Variants in CSRNP3 observed in about 807,000 individuals in gnomAD.
CSRNP3 encodes the protein cysteine and serine rich nuclear protein 3.
A neutral mutation model predicts 48.0 loss-of-function variants in CSRNP3; 12 were observed. The observed-to-expected ratio is 0.25, with a 90% CI of 0.16 to 0.41. The LOEUF is 0.41. CSRNP3 is among the 10% of genes least tolerant of loss of function. CSRNP3 has a pLI of 1.00. For synonymous variants in CSRNP3, 263 were observed against 269.7 expected (o/e 0.98, Z 0.24); for missense variants, 580 against 724.4 (o/e 0.80, Z 2.29).
rs1018557134 is a variant in CSRNP3, at chr2:165,581,993, A to T, written c.-23-13050A>T. On this transcript the variant is annotated intron_variant, in intron 3 of 6. Coordinates refer to ENST00000651982, the MANE Select transcript of CSRNP3 (RefSeq NM_001172173.2). ...TGGAATACCTATTCAGTCTCCACAA[A>T]GTGTTTTATAATCAAGTTTGAGAAA... Among the ~76,000 whole-genome samples the T allele has an allele frequency of 2.0e-5, 3 of 152,190 alleles. No individual in the cohort carries two copies. In the South Asian group the frequency reaches 6.2e-4, roughly 32 times the overall value.
intron 3 of CSRNP3, among the ~76,000 whole-genome samples, chr2:165,570,280 A>G (rs530365026): frequency 2.0e-5 from 3 of 152,150 alleles, no homozygotes; most frequent in Non-Finnish European, 4.4e-5. Context: ...ATCTTTTTCA[A>G]CATGAATAAA....
At chr2:165,516,718 A>G (rs1438603269) in intron 2 of CSRNP3, among the ~76,000 whole-genome samples, 1 of 152,176 alleles carries the variant, frequency 6.6e-6, no homozygotes. Context: ...AATAACCTCT[A>G]TTAGCTCTGT....
At chr2:165,635,968 C>T (rs1422306980) in intron 4 of CSRNP3, among the ~76,000 whole-genome samples, 1 of 152,152 alleles carries the variant, frequency 6.6e-6, no homozygotes, top group Admixed American at 6.5e-5. Flanking sequence ...ATGCAGAGCC[C>T]TTCACCTCCC....
intron 4 of CSRNP3, among the ~76,000 whole-genome samples, chr2:165,651,781 G>A (rs1374589398): frequency 2.7e-5 from 4 of 150,630 alleles, no homozygotes; most frequent in South Asian, 2.1e-4. Flanking sequence ...TCAGCCTCCC[G>A]AGTAGCTGGG....
At chr2:165,582,151 C>T (rs1558940571) in intron 3 of CSRNP3, among the ~76,000 whole-genome samples, 1 of 152,198 alleles carries the variant, frequency 6.6e-6, no homozygotes, top group African/African-American at 2.4e-5. Flanking sequence ...CAGAGAAGGA[C>T]TGGGTCAGCC....
Position 165,686,094 on chromosome 2 carries a change from T to C in CSRNP3, c.*6341T>C, listed in dbSNP as rs1027105242. 2 of 152,112 alleles carry C rather than the reference T, an allele frequency of 1.3e-5. No individual in the cohort carries two copies. Among genetic ancestry groups the C allele is most frequent in the Admixed American group, 6.6e-5 (1 of 15,250 alleles). 9.4% of individuals were successfully genotyped at this position (152,112 alleles called of 1,614,324 possible). On this transcript the variant is annotated 3_prime_UTR_variant, in exon 7 of 7. Coordinates refer to ENST00000651982, the MANE Select transcript of CSRNP3 (RefSeq NM_001172173.2). Reference sequence around the variant, plus strand: ...TTAGAGGATCTCTTTCCTTTCTCTTTTGGTTTTCTCCCAATATTTTTATCT... The same window carrying C: ...TTAGAGGATCTCTTTCCTTTCTCTTCTGGTTTTCTCCCAATATTTTTATCT...
At chr2:165,602,131 G>A (rs1300634419) in intron 4 of CSRNP3, among the ~76,000 whole-genome samples, 1 of 152,130 alleles carries the variant, frequency 6.6e-6, no homozygotes, top group Non-Finnish European at 1.5e-5. Flanking sequence ...AACAATGGAG[G>A]AGTGTTCAGG....
intron 4 of CSRNP3, among the ~76,000 whole-genome samples, chr2:165,624,176 T>G (rs1686389538): frequency 1.3e-5 from 2 of 152,168 alleles, no homozygotes; most frequent in Admixed American, 1.3e-4. Flanking sequence ...TTATTTTATA[T>G]AATTTGGACT....
chr2:165,681,756 T>TAC lies in CSRNP3; in HGVS notation c.*2004_*2005insCA, dbSNP rs1687546745. The stretch of plus-strand genomic sequence containing the variant: ...ATATATATATATATATATATATATA[T>TAC]ATATACACACACACACACACATACA... On this transcript the variant is annotated 3_prime_UTR_variant, in exon 7 of 7. Transcript: ENST00000651982. The TAC allele has an allele frequency of 1.7e-5, 1 of 59,866 alleles. No homozygotes were observed. Among genetic ancestry groups the TAC allele is most frequent in the Non-Finnish European group, 4.3e-5 (1 of 23,180 alleles). 3.7% of individuals were successfully genotyped at this position (59,866 alleles called of 1,614,324 possible). A position where few individuals can be genotyped will look rare whatever the true frequency, so the allele number is the denominator to read the frequency against.
intron 3 of CSRNP3, among the ~76,000 whole-genome samples, chr2:165,519,505 A>G (rs1319954939): frequency 6.6e-6 from 1 of 152,196 alleles, no homozygotes; most frequent in African/African-American, 2.4e-5. Context: ...CCTTTTTAAA[A>G]GGGTAGTGAC....
At chr2:165,520,573 T>C (rs1235831945) in intron 3 of CSRNP3, among the ~76,000 whole-genome samples, 1 of 151,698 alleles carries the variant, frequency 6.6e-6, no homozygotes, top group Non-Finnish European at 1.5e-5. Flanking sequence ...TGATTTTTTT[T>C]CAGTCTTCCA....
intron 3 of CSRNP3, among the ~76,000 whole-genome samples, chr2:165,582,692 A>G (rs1456246301): frequency 6.6e-6 from 1 of 152,194 alleles, no homozygotes; most frequent in Non-Finnish European, 1.5e-5. Flanking sequence ...TACCCACCAA[A>G]GCTGGGGAAA....
chr2:165,593,243 TG>T (rs1182292976), intron 3 of CSRNP3, among the ~76,000 whole-genome samples: 2 of 152,212 alleles, frequency 1.3e-5, no homozygotes, highest in Non-Finnish European at 2.9e-5. Context: ...AATTCAGTGC[TG>T]GTTTATGTGA....
intron 3 of CSRNP3, among the ~76,000 whole-genome samples, chr2:165,560,065 T>C (rs1389942287): frequency 1.3e-5 from 2 of 152,142 alleles, no homozygotes; most frequent in African/African-American, 2.4e-5. Context: ...TCCCAAAGTG[T>C]TGGGATTACA....
chr2:165,513,873 C>T (rs1684541161), intron 2 of CSRNP3, among the ~76,000 whole-genome samples: 3 of 152,178 alleles, frequency 2.0e-5, no homozygotes. Context: ...TTTACTTTCC[C>T]CATCAGCATT....
At chr2:165,562,170 G>A (rs1483355772) in intron 3 of CSRNP3, among the ~76,000 whole-genome samples, 2 of 152,124 alleles carry the variant, frequency 1.3e-5, no homozygotes, top group Non-Finnish European at 2.9e-5. Flanking sequence ...AAATCTACCT[G>A]TGACTCCAAA....
chr2:165,481,427 C>G (rs1426893202), intron 1 of CSRNP3, among the ~76,000 whole-genome samples: 1 of 74,700 alleles, frequency 1.3e-5, no homozygotes, highest in Non-Finnish European at 2.7e-5. Context: ...TGGGCTTTGA[C>G]AAGACACAGG....
In CSRNP3 at chr2:165,477,538, G is replaced by A. The variant is rs187441590; in HGVS notation, c.-283+7798G>A. ...ATATATATTAGCCAGGTGTGGTCGT[G>A]GGTACCTGTAATCCCAGCTACTCAG... On this transcript the variant is annotated intron_variant, in intron 1 of 6. Transcript: ENST00000651982. Among the ~76,000 whole-genome samples, 553 of 141,534 alleles carry A rather than the reference G, an allele frequency of 3.9e-3. 2 individuals are homozygous for A. Among genetic ancestry groups the A allele is most frequent in the African/African-American group, 0.014 (534 of 38,320 alleles). 92.9% of individuals were successfully genotyped at this position (141,534 alleles called of 152,430 possible). A position where few individuals can be genotyped will look rare whatever the true frequency, so the allele number is the denominator to read the frequency against.
intron 4 of CSRNP3, among the ~76,000 whole-genome samples, chr2:165,645,986 C>T (rs1686805656): frequency 6.6e-6 from 1 of 152,000 alleles, no homozygotes; most frequent in South Asian, 2.1e-4. Flanking sequence ...CTCAAGTGAT[C>T]CACCTGCATT....
Sources: gnomAD v4.1 joint callset for allele counts (sites outside exome capture counted in the v4.1 genomes callset) on GRCh38, gnomAD v4.1.1 for gene constraint, MANE v1.5 for transcripts, NCBI Gene and HGNC (gene_info 2026-07-23, HGNC 2026-07-21) for gene names.